The following TNR variants were observed in gnomAD, a reference collection of about 807,000 sequenced individuals.
The protein encoded by TNR is tenascin-R.
In TNR, 45 loss-of-function variants were observed where a neutral mutation model predicts 150.4. That is an observed-to-expected ratio of 0.30 (90% CI 0.24 to 0.38). TNR has a LOEUF of 0.38. Among genes scored for constraint, TNR ranks in the 10% least tolerant of loss-of-function variants. The pLI is 1.00. For missense variants in TNR, 1,544 were observed against 1,759.1 expected, an observed-to-expected ratio of 0.88 and a Z score of 2.19; for synonymous variants, 687 against 678.4, an observed-to-expected ratio of 1.01 and a Z score of -0.20.
chr1:175,338,785 T>C (rs2227162), intron 18 of TNR, among the ~76,000 whole-genome samples: 114,873 of 151,958 alleles, frequency 0.76, 43,605 homozygotes, highest in African/African-American at 0.81. Flanking sequence ...GCAACCTCAC[T>C]GAAAACCCTG....
chr1:175,671,543 A>G (rs1285989441), intron 1 of TNR, among the ~76,000 whole-genome samples: 1 of 152,212 alleles, frequency 6.6e-6, no homozygotes, highest in African/African-American at 2.4e-5. Flanking sequence ...TGGCAGTGAC[A>G]GGTGGCAAGG....
At chr1:175,737,937 G>A (rs902675160) in intron 1 of TNR, among the ~76,000 whole-genome samples, 3 of 152,210 alleles carry the variant, frequency 2.0e-5, no homozygotes, top group South Asian at 2.1e-4. Flanking sequence ...CCCCAAGGGT[G>A]AGGGCTGCAC....
At chr1:175,689,377 T>G (rs1332741700) in intron 1 of TNR, among the ~76,000 whole-genome samples, 1 of 151,568 alleles carries the variant, frequency 6.6e-6, no homozygotes, top group Non-Finnish European at 1.5e-5. Context: ...CAGGTTTTTT[T>G]CCCCATTGTT....
chr1:175,526,226 G>A (rs557193582), intron 2 of TNR, among the ~76,000 whole-genome samples: 3 of 152,262 alleles, frequency 2.0e-5, no homozygotes, highest in East Asian at 3.9e-4. Context: ...CTCAGCCAAA[G>A]TCAGGTACTA....
intron 12 of TNR, among the ~76,000 whole-genome samples, chr1:175,364,457 C>A (rs924125182): frequency 1.3e-5 from 2 of 152,088 alleles, no homozygotes; most frequent in African/African-American, 4.8e-5. Flanking sequence ...CCCACATGTA[C>A]CTCATATTTG....
chr1:175,422,675 T>G (rs1008990267), intron 2 of TNR, among the ~76,000 whole-genome samples: 1 of 152,180 alleles, frequency 6.6e-6, no homozygotes, highest in African/African-American at 2.4e-5. Flanking sequence ...TAACCCCAGT[T>G]TCTCTTGATT....
In TNR at chr1:175,631,987, GACTA is replaced by G. The variant is rs796081318; in HGVS notation, c.-164-103622_-164-103619del. ...ATCATTGCTAACAATAGCAATGTTT[GACTA>G]ACTAGTACAATTTTTGCATTAGAGG... On this transcript the variant is annotated intron_variant, in intron 1 of 22. Transcript: ENST00000367674. Among the ~76,000 whole-genome samples the G allele has an allele frequency of 1.8e-4, 28 of 152,318 alleles. 1 individual carries two copies. The highest frequency in any genetic ancestry group is 5.8e-4 in the African/African-American group (24 of 41,576).
chr1:175,368,460 C>T (rs969869644), intron 9 of TNR, among the ~76,000 whole-genome samples: 18 of 152,218 alleles, frequency 1.2e-4, no homozygotes, highest in African/African-American at 1.9e-4. Context: ...AAAATCCTTG[C>T]GATCATGTTG....
intron 1 of TNR, among the ~76,000 whole-genome samples, chr1:175,543,186 G>T (rs912987871): frequency 2.0e-5 from 3 of 152,182 alleles, no homozygotes; most frequent in Non-Finnish European, 4.4e-5. Flanking sequence ...GGGCAGAAAG[G>T]GTAATAGGGT....
intron 2 of TNR, among the ~76,000 whole-genome samples, chr1:175,502,612 C>T (rs1658784333): frequency 9.2e-5 from 14 of 152,174 alleles, no homozygotes; most frequent in Admixed American, 9.2e-4. Flanking sequence ...GCCCATCTCC[C>T]AAAAGTTCTC....
At chr1:175,684,312 G>GCCTACCCT (rs1301191052) in intron 1 of TNR, among the ~76,000 whole-genome samples, 2 of 152,308 alleles carry the variant, frequency 1.3e-5, no homozygotes, top group African/African-American at 4.8e-5. Context: ...TAGATGCAGA[G>GCCTACCCT]CCTACCCTCC....
At chr1:175,544,599 C>T (rs896466514) in intron 1 of TNR, among the ~76,000 whole-genome samples, 1 of 152,174 alleles carries the variant, frequency 6.6e-6, no homozygotes, top group Non-Finnish European at 1.5e-5. Context: ...GTCATAAGAA[C>T]ATAGGTATAT....
chr1:175,546,528 G>A (rs1229765916), intron 1 of TNR, among the ~76,000 whole-genome samples: 1 of 152,202 alleles, frequency 6.6e-6, no homozygotes, highest in African/African-American at 2.4e-5. Flanking sequence ...ACTAAAGGCA[G>A]GGAGGCCACG....
chr1:175,725,372 G>A (rs182992323), intron 1 of TNR, among the ~76,000 whole-genome samples: 27 of 152,268 alleles, frequency 1.8e-4, no homozygotes, highest in African/African-American at 6.0e-4. Flanking sequence ...TCAGTCTTAA[G>A]CAATATGACA....
chr1:175,592,333 T>C (rs1662832779), intron 1 of TNR, among the ~76,000 whole-genome samples: 1 of 152,232 alleles, frequency 6.6e-6, no homozygotes, highest in African/African-American at 2.4e-5. Context: ...ATGCAGCCAG[T>C]GTTCCCTTCA....
chr1:175,637,749 G>C (rs1473298532), intron 1 of TNR, among the ~76,000 whole-genome samples: 4 of 152,148 alleles, frequency 2.6e-5, no homozygotes, highest in Non-Finnish European at 5.9e-5. Flanking sequence ...ACCACTAGGG[G>C]GGAAATGTCA....
chr1:175,502,524 T>C (rs859388), intron 2 of TNR, among the ~76,000 whole-genome samples: 97,112 of 151,910 alleles, frequency 0.64, 31,696 homozygotes, highest in African/African-American at 0.78. Flanking sequence ...CCTGTAGGGT[T>C]GACTGAGGCC....
intron 18 of TNR, among the ~76,000 whole-genome samples, chr1:175,339,773 T>G (rs1168086383): frequency 6.6e-6 from 1 of 152,162 alleles, no homozygotes; most frequent in Non-Finnish European, 1.5e-5. Context: ...CTTTCCAATA[T>G]CCAATGTATC....
chr1:175,347,712 CGCCTG>C (rs1650862318), intron 18 of TNR, among the ~76,000 whole-genome samples: 1 of 151,866 alleles, frequency 6.6e-6, no homozygotes, highest in Admixed American at 6.6e-5. Flanking sequence ...TGAGCCACTG[CGCCTG>C]GCCTAAATAG....
Sources: allele counts gnomAD v4.1 joint callset (sites outside exome capture counted in the v4.1 genomes callset), GRCh38; gene constraint gnomAD v4.1.1; transcripts MANE v1.5; gene names NCBI Gene and HGNC (gene_info 2026-07-23, HGNC 2026-07-21).